The following SMG6 variants were observed in gnomAD, a reference collection of about 807,000 sequenced individuals.
The protein encoded by SMG6 is SMG6 nonsense mediated mRNA decay factor, also known as telomerase-binding protein EST1A.
A neutral mutation model predicts 142.2 loss-of-function variants in SMG6; 66 were observed. The observed-to-expected ratio is 0.46, with a 90% CI of 0.38 to 0.57. The LOEUF (loss-of-function observed/expected upper bound fraction) is 0.57, where lower values mean the gene tolerates loss of function less well. Ranked by LOEUF, SMG6 falls within the 20% of genes least tolerant of loss-of-function variation. The pLI is 0.00. For synonymous variants in SMG6, 779 were observed against 702.4 expected (o/e 1.11, Z -1.72); for missense variants, 1,793 against 1,832.0 (o/e 0.98, Z 0.39).
intron 8 of SMG6, among the ~76,000 whole-genome samples, chr17:2,256,344 G>A (rs2074179464): frequency 6.6e-6 from 1 of 152,060 alleles, no homozygotes; most frequent in Non-Finnish European, 1.5e-5. Flanking sequence ...AGGGAGGGAA[G>A]ATGTGAAGAT....
At chr17:2,215,295 G>A (rs1162102403) in intron 10 of SMG6, among the ~76,000 whole-genome samples, 2 of 152,014 alleles carry the variant, frequency 1.3e-5, no homozygotes, top group Admixed American at 1.3e-4. Context: ...TTTCTACAAT[G>A]CTGCACTAAA....
At chr17:2,258,028 A>ATCT in intron 8 of SMG6, among the ~76,000 whole-genome samples, 1 of 107,982 alleles carries the variant, frequency 9.3e-6, no homozygotes, top group East Asian at 2.6e-4. Context: ...AAAAAAAAAA[A>ATCT]AAAAAAATAT....
chr17:2,269,931 A>T (rs1169971001), intron 8 of SMG6, among the ~76,000 whole-genome samples: 1 of 152,170 alleles, frequency 6.6e-6, no homozygotes, highest in Non-Finnish European at 1.5e-5. Context: ...TGGGAGGTCA[A>T]GGCAAGAGGA....
chr17:2,261,247 G>A (rs1300147200), intron 8 of SMG6, among the ~76,000 whole-genome samples: 1 of 151,926 alleles, frequency 6.6e-6, no homozygotes, highest in East Asian at 1.9e-4. Flanking sequence ...CCGGGAGGCG[G>A]AGCTTGCAGT....
At chr17:2,285,861 A>T (rs897523621) in intron 6 of SMG6, among the ~76,000 whole-genome samples, 1 of 151,970 alleles carries the variant, frequency 6.6e-6, no homozygotes, top group African/African-American at 2.4e-5. Flanking sequence ...TTTAGTAGAG[A>T]TGGGGTTTCA....
intron 13 of SMG6, among the ~76,000 whole-genome samples, chr17:2,145,541 G>A (rs1271923517): frequency 1.3e-5 from 2 of 148,608 alleles, no homozygotes; most frequent in East Asian, 2.0e-4. Context: ...TAGGGTGGGC[G>A]CAGTGGCTCA....
rs1406360823 is a variant in SMG6, at chr17:2,186,763, G to A, written c.3055C>T (p.Leu1019=). ...TTGACACTGGGGAGCAGCTCCTTCA[G>A]GTCCGGGACAAAGGAAGACACCTTG... ...DIKVSSFVPD[L]KELLPSVKVW... is the part of the protein sequence containing the mutation. Residue 1019 remains leucine, a synonymous_variant, in exon 12 of 19, where the codon CTG becomes TTG. Transcript: ENST00000263073. 1 of 1,614,112 alleles carries A rather than the reference G, an allele frequency of 6.2e-7. No homozygotes were observed. The highest frequency in any genetic ancestry group is 8.5e-7 in the Non-Finnish European group (1 of 1,180,056).
chr17:2,130,370 T>C (rs2070078930), intron 13 of SMG6, among the ~76,000 whole-genome samples: 1 of 151,634 alleles, frequency 6.6e-6, no homozygotes, highest in Admixed American at 6.6e-5. Context: ...GAGGGTTTTA[T>C]GGGAAATATT....
chr17:2,288,956 G>C (rs1457628716), intron 6 of SMG6, among the ~76,000 whole-genome samples: 1 of 151,694 alleles, frequency 6.6e-6, no homozygotes, highest in Non-Finnish European at 1.5e-5. Context: ...GAGGGCGCCT[G>C]TAGTCCCAGC....
intron 8 of SMG6, among the ~76,000 whole-genome samples, chr17:2,271,444 T>C (rs527862811): frequency 2.7e-5 from 4 of 150,578 alleles, no homozygotes; most frequent in African/African-American, 9.7e-5. Flanking sequence ...CCAGGCATGG[T>C]GGCTCATGCC....
At position 2,232,106 on chromosome 17, in the gene SMG6, A is replaced by G. The variant is rs528308900; in HGVS notation, c.2869+4386T>C. On this transcript the variant is annotated intron_variant, in intron 10 of 18. Coordinates refer to ENST00000263073, the MANE Select transcript of SMG6 (RefSeq NM_017575.5). Reference sequence around the variant, plus strand: ...GGGGAGAGAAAATGAAGGAAGAAAAAAAAAAGGGCCAGATTGGAACAAATT... The same window carrying G: ...GGGGAGAGAAAATGAAGGAAGAAAAGAAAAAGGGCCAGATTGGAACAAATT... 1.1e-4 allele frequency among the ~76,000 whole-genome samples: 17 copies of G among 152,256 alleles called. No homozygotes were observed. The South Asian group carries it at 3.5e-3, about 32-fold the overall frequency.
chr17:2,245,255 T>G (rs1416711183), intron 8 of SMG6, among the ~76,000 whole-genome samples: 1 of 152,074 alleles, frequency 6.6e-6, no homozygotes, highest in Non-Finnish European at 1.5e-5. Flanking sequence ...AGGTCTGGAG[T>G]TGAAAATTCA....
At chr17:2,129,637 T>TA (rs2070033619) in intron 13 of SMG6, among the ~76,000 whole-genome samples, 1 of 149,898 alleles carries the variant, frequency 6.7e-6, no homozygotes, top group Non-Finnish European at 1.5e-5. Flanking sequence ...CTACTTAAAA[T>TA]AAAAAAATCA....
Position 2,299,025 on chromosome 17 carries a change from C to T in SMG6, c.1728G>A (p.Leu576=). 1 of 1,614,174 alleles carries T rather than the reference C, an allele frequency of 6.2e-7. No homozygotes were observed. The change falls in exon 2 of 19, where the codon CTG becomes CTA. Residue 576 remains leucine, a synonymous_variant. Transcript: ENST00000263073. The surrounding 1 kb of genome is among the most constrained non-coding windows in gnomAD (Gnocchi z 4.3). ...GAAGCCTGTGCAGCTCCTGTTGCTGCAGGTTCCTCATGTGCTGCTCTACCT... is the reference window on the plus strand; with the variant it reads ...GAAGCCTGTGCAGCTCCTGTTGCTGTAGGTTCCTCATGTGCTGCTCTACCT... ...PEEVEQHMRN[L]QQQELHRLLR...
chr17:2,133,972 G>A (rs925485679), intron 13 of SMG6, among the ~76,000 whole-genome samples: 1 of 152,170 alleles, frequency 6.6e-6, no homozygotes, highest in Non-Finnish European at 1.5e-5. Context: ...GGGAAGCCAA[G>A]TGGTAGAGCC....
At chr17:2,281,808 CA>C (rs2074792907) in intron 8 of SMG6, among the ~76,000 whole-genome samples, 1 of 152,198 alleles carries the variant, frequency 6.6e-6, no homozygotes, top group Non-Finnish European at 1.5e-5. Flanking sequence ...ACGAACCAGC[CA>C]CTGCAGTTTT....
At chr17:2,063,870 C>T (rs1389852995) in intron 18 of SMG6, among the ~76,000 whole-genome samples, 1 of 152,162 alleles carries the variant, frequency 6.6e-6, no homozygotes, top group Non-Finnish European at 1.5e-5. Flanking sequence ...TCAGAGACTA[C>T]TGAGCTGCCG....
intron 12 of SMG6, among the ~76,000 whole-genome samples, chr17:2,175,302 G>GCAGGT (rs2071623911): frequency 6.6e-6 from 1 of 152,194 alleles, no homozygotes; most frequent in African/African-American, 2.4e-5. Context: ...GTTGGTGCGT[G>GCAGGT]CAGGTCAAGG....
At chr17:2,103,177 T>C (rs1656259585) in intron 13 of SMG6, among the ~76,000 whole-genome samples, 1 of 152,204 alleles carries the variant, frequency 6.6e-6, no homozygotes, top group Non-Finnish European at 1.5e-5. Context: ...TCTCTTTCCA[T>C]TCTTACAGGT....
Sources: gnomAD v4.1 joint callset for allele counts (sites outside exome capture counted in the v4.1 genomes callset) on GRCh38, gnomAD v4.1.1 for gene constraint, Gnocchi (gnomAD v3.1) non-coding constraint, MANE v1.5 for transcripts, NCBI Gene and HGNC (gene_info 2026-07-23, HGNC 2026-07-21) for gene names.